NARS2: variants seen among roughly 807,000 people sequenced by gnomAD.
NARS2 encodes the protein asparaginyl-tRNA synthetase.
In NARS2, 60 loss-of-function variants were observed where a neutral mutation model predicts 62.9. That is an observed-to-expected ratio of 0.95 (90% CI 0.77 to 1.18). The LOEUF is 1.18. Among genes scored for constraint, NARS2 ranks in the 50% most tolerant of loss-of-function variants. NARS2 has a pLI of 0.00. For missense variants in NARS2, 619 were observed against 576.4 expected, an observed-to-expected ratio of 1.07 and a Z score of -0.76; for synonymous variants, 196 against 200.0, an observed-to-expected ratio of 0.98 and a Z score of 0.17.
At chr11:78,461,481 C>T (rs931514903) in intron 11 of NARS2, among the ~76,000 whole-genome samples, 1 of 151,612 alleles carries the variant, frequency 6.6e-6, no homozygotes, top group Non-Finnish European at 1.5e-5. Flanking sequence ...ACTTAAAAGT[C>T]TGCTGGATTT....
At chr11:78,485,153 C>T (rs1351122582) in intron 7 of NARS2, among the ~76,000 whole-genome samples, 4 of 152,088 alleles carry the variant, frequency 2.6e-5, no homozygotes, top group South Asian at 2.1e-4. Flanking sequence ...CCAAACACTG[C>T]GTGTTTTCAC....
chr11:78,557,934 A>C lies in NARS2; in HGVS notation c.594+1605T>G, dbSNP rs543829466. ...AATGTATCTTTATTTATGCACATTA[A>C]AAACTTTTTTACTTGTTTCATTTGG... On this transcript the variant is annotated intron_variant, in intron 5 of 13. Transcript: ENST00000281038. Among the ~76,000 whole-genome samples the C allele has an allele frequency of 2.0e-5, 3 of 151,644 alleles. No individual in the cohort carries two copies. The South Asian group carries it at 6.2e-4, about 32-fold the overall frequency.
chr11:78,539,809 G>A (rs1330952447), intron 5 of NARS2, among the ~76,000 whole-genome samples: 1 of 152,298 alleles, frequency 6.6e-6, no homozygotes, highest in South Asian at 2.1e-4. Flanking sequence ...GCGTAACTAA[G>A]CCTTTTCCTG....
At chr11:78,450,124 G>A (rs1591131030) in intron 11 of NARS2, among the ~76,000 whole-genome samples, 1 of 152,126 alleles carries the variant, frequency 6.6e-6, no homozygotes. Context: ...TCCCACTGAG[G>A]GAGAAGCACA....
intron 3 of NARS2, among the ~76,000 whole-genome samples, chr11:78,566,967 A>ATTCT (rs201089218): frequency 1.4e-5 from 1 of 70,036 alleles, no homozygotes; most frequent in Admixed American, 1.3e-4. Context: ...AGTCTCATCC[A>ATTCT]TTCTAAGTCT....
At chr11:78,463,731 A>C (rs1330324357) in intron 11 of NARS2, among the ~76,000 whole-genome samples, 1 of 150,380 alleles carries the variant, frequency 6.6e-6, no homozygotes, top group African/African-American at 2.4e-5. Context: ...AAAAAAAAAA[A>C]AAAAAACCAC....
intron 11 of NARS2, among the ~76,000 whole-genome samples, chr11:78,463,707 T>A (rs1591152437): frequency 5.0e-4 from 6 of 12,084 alleles, no homozygotes; most frequent in Admixed American, 3.2e-3. Flanking sequence ...CAACTATAGT[T>A]AAGGTCAAAA....
intron 6 of NARS2, among the ~76,000 whole-genome samples, chr11:78,516,295 C>A (rs751119222): frequency 5.8e-4 from 89 of 152,266 alleles, no homozygotes; most frequent in African/African-American, 1.9e-3. Flanking sequence ...GGAGAAAGAG[C>A]TACATTAACT....
intron 7 of NARS2, among the ~76,000 whole-genome samples, chr11:78,483,078 G>A (rs965707054): frequency 2.0e-5 from 3 of 152,128 alleles, no homozygotes; most frequent in African/African-American, 7.2e-5. Context: ...TGCAAGGCGG[G>A]TTCAACATAC....
At position 78,557,024 on chromosome 11, in the gene NARS2, G is replaced by A. The variant is rs144200336; in HGVS notation, c.594+2515C>T. On this transcript the variant is annotated intron_variant, in intron 5 of 13. Transcript: ENST00000281038. ...ATGGCACCAAATGTCCGTTAATAAC[G>A]AACAAATGCCTTGAAGGAAACTTCT... Among the ~76,000 whole-genome samples, 365 of 152,194 alleles carry A rather than the reference G, an allele frequency of 2.4e-3. 1 individual carries two copies. The highest frequency in any genetic ancestry group is 7.1e-3 in the African/African-American group (295 of 41,526).
At chr11:78,448,431 C>T (rs1364932434) in intron 11 of NARS2, among the ~76,000 whole-genome samples, 1 of 151,542 alleles carries the variant, frequency 6.6e-6, no homozygotes. Flanking sequence ...GCTGGGATTA[C>T]AGGCACATGC....
chr11:78,525,306 G>C (rs1861257247), intron 6 of NARS2, among the ~76,000 whole-genome samples: 1 of 152,110 alleles, frequency 6.6e-6, no homozygotes, highest in African/African-American at 2.4e-5. Context: ...TAATATGTCA[G>C]TGTAACTTTA....
At chr11:78,510,130 C>A (rs532209615) in intron 6 of NARS2, among the ~76,000 whole-genome samples, 59 of 152,230 alleles carry the variant, frequency 3.9e-4, no homozygotes, top group Non-Finnish European at 7.6e-4. Context: ...TTCCTCCTTA[C>A]CAGTAATTAC....
intron 6 of NARS2, among the ~76,000 whole-genome samples, chr11:78,520,780 G>T (rs1861085933): frequency 6.6e-6 from 1 of 152,060 alleles, no homozygotes; most frequent in Non-Finnish European, 1.5e-5. Context: ...AATAGGCCTG[G>T]CACAGTGGTT....
intron 7 of NARS2, among the ~76,000 whole-genome samples, chr11:78,492,581 C>A (rs1039705281): frequency 1.3e-5 from 2 of 152,154 alleles, no homozygotes; most frequent in Non-Finnish European, 2.9e-5. Context: ...GAGCTGATAG[C>A]TCCTGTGGAT....
chr11:78,444,494 C>G (rs149720993), intron 11 of NARS2, among the ~76,000 whole-genome samples: 1,651 of 152,058 alleles, frequency 0.011, 35 homozygotes, highest in African/African-American at 0.039. Context: ...GGTGGGCAGA[C>G]TGCCTGAGCT....
At chr11:78,525,546 T>C (rs1861265842) in intron 6 of NARS2, among the ~76,000 whole-genome samples, 1 of 152,094 alleles carries the variant, frequency 6.6e-6, no homozygotes, top group African/African-American at 2.4e-5. Flanking sequence ...CTATGAAATA[T>C]ACAAGTCTAT....
intron 9 of NARS2, among the ~76,000 whole-genome samples, chr11:78,474,291 C>T (rs1229070122): frequency 1.3e-5 from 2 of 151,978 alleles, no homozygotes; most frequent in Non-Finnish European, 1.5e-5. Flanking sequence ...TAATCAAGTT[C>T]ATAGTCGTAA....
At chr11:78,572,370 T>A (rs1856960266) in intron 1 of NARS2, among the ~76,000 whole-genome samples, 1 of 152,196 alleles carries the variant, frequency 6.6e-6, no homozygotes, top group East Asian at 1.9e-4. Context: ...AAACATTATT[T>A]AGAGATGTCA....
Sources: gnomAD v4.1 joint callset for allele counts (sites outside exome capture counted in the v4.1 genomes callset) on GRCh38, gnomAD v4.1.1 for gene constraint, MANE v1.5 for transcripts, NCBI Gene and HGNC (gene_info 2026-07-23, HGNC 2026-07-21) for gene names.